FICD: variants seen among roughly 807,000 people sequenced by gnomAD.
The protein encoded by FICD is FIC domain protein adenylyltransferase.
Under a neutral mutation model 28.0 loss-of-function variants are expected in FICD, and 13 were observed. The observed-to-expected ratio is 0.46, with a 90% CI of 0.30 to 0.74. FICD has a LOEUF of 0.74. Ranked by LOEUF, FICD falls within the 30% of genes least tolerant of loss-of-function variation. FICD has a pLI of 0.07. For synonymous variants in FICD, 268 were observed against 266.4 expected (o/e 1.01, Z -0.06); for missense variants, 576 against 624.5 (o/e 0.92, Z 0.83).
At position 108,519,143 on chromosome 12, in the gene FICD, G is replaced by A. The variant is rs374907974; in HGVS notation, c.1045G>A (p.Val349Met). The A allele has an allele frequency of 3.7e-6, 6 of 1,614,154 alleles. No homozygotes were observed. Among genetic ancestry groups the A allele is most frequent in the Non-Finnish European group, 5.1e-6 (6 of 1,180,052 alleles). Residue 349 changes from valine (V) to methionine (M), a missense_variant, in exon 3 of 3, where the codon GTG (valine) becomes ATG (methionine). Coordinates refer to ENST00000552695, the MANE Select transcript of FICD (RefSeq NM_007076.3). This position sits in a 1 kb window ranked among gnomAD's most constrained non-coding sequence, Gnocchi z 4.5. ...NSEEAMNLHP[V>M]EFAALAHYKL... ...CGAGGAAGCCATGAACCTGCACCCA[G>A]TGGAGTTTGCAGCCTTAGCCCATTA...
Position 108,518,109 on chromosome 12 carries a change from T to C in FICD, c.302-291T>C. ...CAGGCGAAGTAAATGCCTAGAACTT[T>C]CTATGTCCAGAAAGCAGGAGGCTAG... On this transcript the variant is annotated intron_variant, in intron 2 of 2. Coordinates refer to ENST00000552695, the MANE Select transcript of FICD (RefSeq NM_007076.3). The surrounding 1 kb of genome is among the most constrained non-coding windows in gnomAD (Gnocchi z 4.4). The C allele has an allele frequency of 1.4e-6, 1 of 702,160 alleles. No homozygotes were observed. Among genetic ancestry groups the C allele is most frequent in the Non-Finnish European group, 2.6e-6 (1 of 384,728 alleles). The allele number at this position is 702,160 out of a possible 1,614,324, so 43.5% of individuals were successfully genotyped here. A position where few individuals can be genotyped will look rare whatever the true frequency, so the allele number is the denominator to read the frequency against.
rs1871963929 is a variant in FICD, at chr12:108,518,038, T to C, written c.302-362T>C. 1 of 682,536 alleles carries C rather than the reference T, an allele frequency of 1.5e-6. No individual in the cohort carries two copies. The allele number at this position is 682,536 out of a possible 1,614,324, so 42.3% of individuals were successfully genotyped here. On this transcript the variant is annotated intron_variant, in intron 2 of 2. Transcript: ENST00000552695. The surrounding 1 kb of genome is among the most constrained non-coding windows in gnomAD (Gnocchi z 4.4). ...TGAGCTGGAGATGTAGGAGACGGCC[T>C]ACACTGGGAGCTGTGGCCCACAGGA...
chr12:108,519,604 TAAAA>T lies in FICD; in HGVS notation c.*141_*144del, dbSNP rs201412313. 6.6e-6 allele frequency: 2 copies of T among 301,544 alleles called. No homozygotes were observed. Among genetic ancestry groups the T allele is most frequent in the Non-Finnish European group, 1.2e-5 (2 of 170,940 alleles). 18.7% of individuals were successfully genotyped at this position (301,544 alleles called of 1,614,324 possible). A position where few individuals can be genotyped will look rare whatever the true frequency, so the allele number is the denominator to read the frequency against. On this transcript the variant is annotated 3_prime_UTR_variant, in exon 3 of 3. Transcript: ENST00000552695. This position sits in a 1 kb window ranked among gnomAD's most constrained non-coding sequence, Gnocchi z 4.5. ...TCTTTACCTCCAAATGTTTTAGTTT[TAAAA>T]AAAAAAAAAAACTAAGTTATGAAGC...
chr12:108,518,945 G>A lies in FICD; in HGVS notation c.847G>A (p.Gly283Ser), dbSNP rs987255028. Reference protein sequence around the residue: ...YINTTLVSRIGSVTISDVLEI... With the variant: ...YINTTLVSRISSVTISDVLEI... ...CAACACGACTCTGGTTTCGCGCATC[G>A]GCTCCGTCACCATCAGCGACGTGCT... is the stretch of plus-strand genomic sequence containing the variant. The change falls in exon 3 of 3, where the codon GGC (glycine) becomes AGC (serine). Residue 283 changes from glycine to serine, a missense_variant. Gly to Ser is a moderately conservative substitution (Grantham distance 56). Transcript: ENST00000552695. This position sits in a 1 kb window ranked among gnomAD's most constrained non-coding sequence, Gnocchi z 4.4. 2.0e-5 allele frequency: 32 copies of A among 1,614,054 alleles called. No homozygotes were observed. The highest frequency in any genetic ancestry group is 5.5e-5 in the South Asian group (5 of 91,090).
At chr12:108,517,995 T>G (rs907627511) in intron 2 of FICD, 4 of 639,464 alleles carry the variant, frequency 6.3e-6, no homozygotes, top group Non-Finnish European at 1.1e-5. Context: ...GGCAGGAACC[T>G]GTGTCACCAG....
rs1162308620 is a variant in FICD, at chr12:108,520,422, T to C, written c.*947T>C. On this transcript the variant is annotated 3_prime_UTR_variant, in exon 3 of 3. Coordinates refer to ENST00000552695, the MANE Select transcript of FICD (RefSeq NM_007076.3). ...GACACCAAGTAAGCATTTTTGATAA[T>C]GAATTAGAGCACCAGTTTCTACTGA... 6.6e-6 allele frequency: 1 copy of C among 152,158 alleles called. No homozygotes were observed. Among genetic ancestry groups the C allele is most frequent in the African/African-American group, 2.4e-5 (1 of 41,422 alleles). 9.4% of individuals were successfully genotyped at this position (152,158 alleles called of 1,614,324 possible). A position where few individuals can be genotyped will look rare whatever the true frequency, so the allele number is the denominator to read the frequency against.
intron 1 of FICD, among the ~76,000 whole-genome samples, chr12:108,515,926 T>TA: frequency 6.6e-6 from 1 of 152,196 alleles, no homozygotes; most frequent in Non-Finnish European, 1.5e-5. Context: ...GAATTTAACT[T>TA]ATGCTCTCTG....
intron 1 of FICD, among the ~76,000 whole-genome samples, chr12:108,515,909 C>T (rs1871898687): frequency 6.6e-6 from 1 of 152,136 alleles, no homozygotes; most frequent in Non-Finnish European, 1.5e-5. Context: ...CTCCTGTGGG[C>T]CTTCTGGAAT....
In FICD at chr12:108,519,464, G is replaced by T; in HGVS notation, c.1366G>T (p.Val456Leu). Residue 456 changes from valine to leucine, a missense_variant, in exon 3 of 3, where the codon GTG (valine) becomes TTG (leucine). Val to Leu is a conservative substitution (Grantham distance 32). Transcript: ENST00000552695. The surrounding 1 kb of genome is among the most constrained non-coding windows in gnomAD (Gnocchi z 4.5). ...NHSGFKETLP[V>L]KP is the part of the protein sequence containing the mutation. ...CTCTGGGTTCAAGGAGACGCTTCCT[G>T]TGAAGCCCTAACCCTAGAAATCCTC... is the stretch of plus-strand genomic sequence containing the variant. 2 of 1,610,180 alleles carry T rather than the reference G, an allele frequency of 1.2e-6. No individual in the cohort carries two copies. Among genetic ancestry groups the T allele is most frequent in the South Asian group, 1.1e-5 (1 of 90,936 alleles).
Position 108,519,009 on chromosome 12 carries a change from T to C in FICD, c.911T>C (p.Val304Ala). 6.2e-7 allele frequency: 1 copy of C among 1,614,132 alleles called. No homozygotes were observed. The highest frequency in any genetic ancestry group is 1.1e-5 in the South Asian group (1 of 91,078). The change falls in exon 3 of 3, where the codon GTG (valine) becomes GCG (alanine). Residue 304 changes from valine to alanine, a missense_variant. Transcript: ENST00000552695. This position sits in a 1 kb window ranked among gnomAD's most constrained non-coding sequence, Gnocchi z 4.5. Reference protein sequence around the residue: ...HRRVLGYVDPVEAGRFRTTQV... With the variant: ...HRRVLGYVDPAEAGRFRTTQV... The stretch of plus-strand genomic sequence containing the variant: ...CGGGTGCTGGGCTACGTGGACCCCG[T>C]GGAAGCCGGCAGGTTTCGGACAACA...
In FICD at chr12:108,518,251, C is replaced by G. The variant is rs917523980; in HGVS notation, c.302-149C>G. On this transcript the variant is annotated intron_variant, in intron 2 of 2. Coordinates refer to ENST00000552695, the MANE Select transcript of FICD (RefSeq NM_007076.3). This position sits in a 1 kb window ranked among gnomAD's most constrained non-coding sequence, Gnocchi z 4.4. ...AGTGGTACCGGGCATGTTGAGTACACACGATGCGGCTGCAACAAGCTCCTC... is the reference window on the plus strand; with the variant it reads ...AGTGGTACCGGGCATGTTGAGTACAGACGATGCGGCTGCAACAAGCTCCTC... 1.4e-6 allele frequency: 1 copy of G among 724,302 alleles called. No homozygotes were observed. Among genetic ancestry groups the G allele is most frequent in the Non-Finnish European group, 2.5e-6 (1 of 403,676 alleles). The allele number at this position is 724,302 out of a possible 1,614,324, so 44.9% of individuals were successfully genotyped here. A position where few individuals can be genotyped will look rare whatever the true frequency, so the allele number is the denominator to read the frequency against.
chr12:108,519,211 G>A lies in FICD; in HGVS notation c.1113G>A (p.Arg371=), dbSNP rs774630984. The A allele has an allele frequency of 1.2e-6, 2 of 1,614,096 alleles. No individual in the cohort carries two copies. Among genetic ancestry groups the A allele is most frequent in the Admixed American group, 3.3e-5 (2 of 60,008 alleles). The change falls in exon 3 of 3, where the codon AGG becomes AGA. Residue 371 remains arginine (R), a synonymous_variant. Transcript: ENST00000552695. This position sits in a 1 kb window ranked among gnomAD's most constrained non-coding sequence, Gnocchi z 4.5. The part of the protein sequence containing the change: ...YIHPFIDGNG[R]TSRLLMNLIL... ...ACCCTTTCATTGATGGCAACGGGAG[G>A]ACCTCCCGTCTGCTCATGAACCTCA...
chr12:108,520,922 C>G lies in FICD; in HGVS notation c.*1447C>G, dbSNP rs544774718. 1 of 149,914 alleles carries G rather than the reference C, an allele frequency of 6.7e-6. No homozygotes were observed. Among genetic ancestry groups the G allele is most frequent in the Non-Finnish European group, 1.5e-5 (1 of 68,028 alleles). The allele number at this position is 149,914 out of a possible 1,614,324, so 9.3% of individuals were successfully genotyped here. On this transcript the variant is annotated 3_prime_UTR_variant, in exon 3 of 3. Transcript: ENST00000552695. ...CAGTTCTTCAGTTGTATAAATAGCA[C>G]AGAGTAGTTTTTGAAAGGTTAAGAA...
In FICD at chr12:108,518,361, GCCTC is replaced by G; in HGVS notation, c.302-30_302-27del. Reference sequence around the variant, plus strand: ...CCCCCCGAATGTCCTCTGCCCCCTAGCCTCCCTCCCTCACAGCGCTTCTTTGGCT... The same window carrying G: ...CCCCCCGAATGTCCTCTGCCCCCTAGCCTCCCTCACAGCGCTTCTTTGGCT... On this transcript the variant is annotated intron_variant, in intron 2 of 2. Transcript: ENST00000552695. This position sits in a 1 kb window ranked among gnomAD's most constrained non-coding sequence, Gnocchi z 4.4. The G allele has an allele frequency of 6.4e-7, 1 of 1,568,950 alleles. No homozygotes were observed. The highest frequency in any genetic ancestry group is 8.8e-7 in the Non-Finnish European group (1 of 1,139,976).
At position 108,519,628 on chromosome 12, in the gene FICD, TG is replaced by T. The variant is rs1872041592; in HGVS notation, c.*154del. ...TTAAAAAAAAAAAAAAACTAAGTTA[TG>T]AAGCCTTGTCTCTAAAATAACTTAT... On this transcript the variant is annotated 3_prime_UTR_variant, in exon 3 of 3. Coordinates refer to ENST00000552695, the MANE Select transcript of FICD (RefSeq NM_007076.3). This position sits in a 1 kb window ranked among gnomAD's most constrained non-coding sequence, Gnocchi z 4.5. 3.5e-6 allele frequency: 2 copies of T among 577,898 alleles called. No individual in the cohort carries two copies. The highest frequency in any genetic ancestry group is 6.0e-6 in the Non-Finnish European group (2 of 334,440). The allele number at this position is 577,898 out of a possible 1,614,324, so 35.8% of individuals were successfully genotyped here.
chr12:108,519,315 CCAA>C lies in FICD; in HGVS notation c.1219_1221del (p.Asn407del), dbSNP rs768366309. The C allele has an allele frequency of 7.4e-6, 12 of 1,614,120 alleles. No individual in the cohort carries two copies. In the African/African-American group the frequency reaches 1.3e-4, roughly 18 times the overall value. ...GACTACTACCACGTGTTGGAAGCTG[CCAA>C]CGAGGGCGACGTGAGGCCTTTCATT... On this transcript the variant is annotated inframe_deletion, in exon 3 of 3. Coordinates refer to ENST00000552695, the MANE Select transcript of FICD (RefSeq NM_007076.3). This position sits in a 1 kb window ranked among gnomAD's most constrained non-coding sequence, Gnocchi z 4.5.
Position 108,518,778 on chromosome 12 carries a change from TCTACCACACA to T in FICD, c.681_690del (p.Ile227MetfsTer36). The T allele has an allele frequency of 6.2e-7, 1 of 1,614,136 alleles. No homozygotes were observed. The highest frequency in any genetic ancestry group is 8.5e-7 in the Non-Finnish European group (1 of 1,180,030). On this transcript the variant is annotated frameshift_variant, in exon 3 of 3. Coordinates refer to ENST00000552695, the MANE Select transcript of FICD (RefSeq NM_007076.3). LOFTEE classifies it high-confidence loss of function. This position sits in a 1 kb window ranked among gnomAD's most constrained non-coding sequence, Gnocchi z 4.4. Reference sequence around the variant, plus strand: ...ATGGAGGAGACCTACTACCATCACATCTACCACACAGTGGCCATCGAGGGCAACACCCTCA... The same window carrying T: ...ATGGAGGAGACCTACTACCATCACATGTGGCCATCGAGGGCAACACCCTCA...
rs775969172 is a variant in FICD at position 108,519,326 on chromosome 12, G to A, written c.1228G>A (p.Asp410Asn). The change falls in exon 3 of 3, where the codon GAC becomes AAC. Residue 410 changes from aspartate to asparagine, a missense_variant. By Grantham distance (23) the Asp-to-Asn change is conservative. Transcript: ENST00000552695. The surrounding 1 kb of genome is among the most constrained non-coding windows in gnomAD (Gnocchi z 4.5). Reference protein sequence around the residue: ...YHVLEAANEGDVRPFIRFIAK... With the variant: ...YHVLEAANEGNVRPFIRFIAK... ...CGTGTTGGAAGCTGCCAACGAGGGC[G>A]ACGTGAGGCCTTTCATTCGCTTCAT... is the stretch of plus-strand genomic sequence containing the variant. 5.6e-6 allele frequency: 9 copies of A among 1,614,196 alleles called. No homozygotes were observed. The highest frequency in any genetic ancestry group is 1.7e-5 in the Admixed American group (1 of 60,024).
chr12:108,519,665 A>C lies in FICD; in HGVS notation c.*190A>C. The C allele has an allele frequency of 3.7e-6, 2 of 547,294 alleles. No individual in the cohort carries two copies. The highest frequency in any genetic ancestry group is 6.4e-6 in the Non-Finnish European group (2 of 314,488). The allele number at this position is 547,294 out of a possible 1,614,324, so 33.9% of individuals were successfully genotyped here. ...TCTAAAATAACTTATAATTCAACCA[A>C]GCTATTTATTTTCTTCTTTGGAGCA... On this transcript the variant is annotated 3_prime_UTR_variant, in exon 3 of 3. Coordinates refer to ENST00000552695, the MANE Select transcript of FICD (RefSeq NM_007076.3). The surrounding 1 kb of genome is among the most constrained non-coding windows in gnomAD (Gnocchi z 4.5).
Sources: gnomAD v4.1 joint callset for allele counts (sites outside exome capture counted in the v4.1 genomes callset) on GRCh38, gnomAD v4.1.1 for gene constraint, Gnocchi (gnomAD v3.1) non-coding constraint, MANE v1.5 for transcripts, NCBI Gene and HGNC (gene_info 2026-07-23, HGNC 2026-07-21) for gene names.